HOPX: variants seen among roughly 807,000 people sequenced by gnomAD.
The protein encoded by HOPX is HOP homeobox.
Under a neutral mutation model 11.8 loss-of-function variants are expected in HOPX, and 5 were observed. That is an observed-to-expected ratio of 0.43 (90% CI 0.22 to 0.89). The LOEUF (loss-of-function observed/expected upper bound fraction) is 0.89. Among genes scored for constraint, HOPX ranks in the 40% least tolerant of loss-of-function variants. HOPX has a pLI of 0.28. For missense variants in HOPX, 119 were observed against 120.0 expected, an observed-to-expected ratio of 0.99 and a Z score of 0.04; for synonymous variants, 49 against 49.7, an observed-to-expected ratio of 0.99 and a Z score of 0.06.
chr4:56,680,257 C>T (rs1719258174), intron 1 of HOPX: 1 of 152,146 alleles, frequency 6.6e-6, no homozygotes, highest in Admixed American at 6.5e-5. Context: ...GAATGAATAC[C>T]TGAGAAAGGT....
At chr4:56,655,681 G>A (rs967465551) in intron 3 of HOPX, among the ~76,000 whole-genome samples, 176 bp downstream of exon 3, 5 of 152,200 alleles carry the variant, frequency 3.3e-5, no homozygotes, top group African/African-American at 4.8e-5. Context: ...GCGGGGAAGC[G>A]GGGAGGCGGC....
intron 1 of HOPX, among the ~76,000 whole-genome samples, chr4:56,673,269 AAAAG>A (rs1021284044): frequency 1.4e-4 from 21 of 152,186 alleles, no homozygotes; most frequent in African/African-American, 4.6e-4. Flanking sequence ...GTGTTCAGTG[AAAAG>A]AAAGAGAGAA....
chr4:56,648,620 CA>C lies in HOPX; in HGVS notation c.*99del, dbSNP rs1716867390. On this transcript the variant is annotated 3_prime_UTR_variant, in exon 4 of 4. Transcript: ENST00000420433. ...AACAGCAGGACAGCTAGCAATGGAA[CA>C]TACAACACTATGCTGAAAAACCACA... 1.3e-6 allele frequency: 1 copy of C among 746,728 alleles called. No individual in the cohort carries two copies. 46.3% of individuals were successfully genotyped at this position (746,728 alleles called of 1,614,324 possible).
chr4:56,678,263 C>A (rs1719124496), intron 1 of HOPX, among the ~76,000 whole-genome samples: 1 of 151,330 alleles, frequency 6.6e-6, no homozygotes, highest in Non-Finnish European at 1.5e-5. Flanking sequence ...ATGGGGCCAT[C>A]CCCATCCTCT....
chr4:56,681,369 C>T (rs1719316115), upstream of HOPX: 3 of 985,336 alleles, frequency 3.0e-6, no homozygotes, highest in Non-Finnish European at 3.6e-6. Flanking sequence ...CGTTTATTTA[C>T]GCCTATGAGC....
intron 3 of HOPX, chr4:56,650,446 A>G (rs1464430998): frequency 1.7e-5 from 8 of 472,388 alleles, no homozygotes; most frequent in South Asian, 2.7e-5. Context: ...CTGAAAGGGA[A>G]TTCAGTATAT....
At chr4:56,655,740 T>G in intron 3 of HOPX, 117 bp downstream of exon 3, 7 of 1,173,746 alleles carry the variant, frequency 6.0e-6, no homozygotes, top group Non-Finnish European at 8.4e-6. Flanking sequence ...GCAGAAGCGA[T>G]GGGAGATCAT....
At chr4:56,662,762 C>A (rs1007275494) in intron 1 of HOPX, 1 of 152,428 alleles carries the variant, frequency 6.6e-6, no homozygotes, top group Admixed American at 6.5e-5. Flanking sequence ...CAGGCATGAG[C>A]CACTGTGCCT....
chr4:56,651,664 A>G (rs2109456806), intron 3 of HOPX, among the ~76,000 whole-genome samples: 1 of 152,248 alleles, frequency 6.6e-6, no homozygotes, highest in East Asian at 1.9e-4. Flanking sequence ...TTTCTCTAGT[A>G]ACTAACATTT....
intron 1 of HOPX, among the ~76,000 whole-genome samples, chr4:56,677,890 G>T (rs1578366741): frequency 6.6e-6 from 1 of 151,612 alleles, no homozygotes; most frequent in African/African-American, 2.4e-5. Context: ...AGAACAACTT[G>T]GCTGTCCCCC....
At position 56,657,783 on chromosome 4, in the gene HOPX, GTCT is replaced by G. The variant is rs1422003807; in HGVS notation, c.31_33del (p.Arg11del). ...AGAACCTTGGAAATTACCTCTTCCA[GTCT>G]TCTTCTGTAACAGCCCAGGAAAATG... On this transcript the variant is annotated inframe_deletion, in exon 2 of 4. Coordinates refer to ENST00000420433, the MANE Select transcript of HOPX (RefSeq NM_032495.6). The G allele has an allele frequency of 6.3e-6, 8 of 1,267,402 alleles. No individual in the cohort carries two copies. Among genetic ancestry groups the G allele is most frequent in the Middle Eastern group, 1.8e-4 (1 of 5,492 alleles). 78.5% of individuals were successfully genotyped at this position (1,267,402 alleles called of 1,614,324 possible). A position where few individuals can be genotyped will look rare whatever the true frequency, so the allele number is the denominator to read the frequency against.
chr4:56,650,546 G>T, intron 3 of HOPX: 1 of 851,900 alleles, frequency 1.2e-6, no homozygotes, highest in Non-Finnish European at 1.8e-6. Flanking sequence ...TGGGGGTAAG[G>T]CTCTGCAGGA....
Position 56,648,416 on chromosome 4 carries a change from T to C in HOPX, c.*304A>G. 1 of 280,384 alleles carries C rather than the reference T, an allele frequency of 3.6e-6. No homozygotes were observed. Among genetic ancestry groups the C allele is most frequent in the Non-Finnish European group, 6.6e-6 (1 of 151,206 alleles). The allele number at this position is 280,384 out of a possible 1,614,324, so 17.4% of individuals were successfully genotyped here. A position where few individuals can be genotyped will look rare whatever the true frequency, so the allele number is the denominator to read the frequency against. On this transcript the variant is annotated 3_prime_UTR_variant, in exon 4 of 4. Transcript: ENST00000420433. Reference sequence around the variant, plus strand: ...AAAGCAAATTGCTACTGGGAGGTGATGGTCAAAAGCAAACTTAGATGGTTT... The same window carrying C: ...AAAGCAAATTGCTACTGGGAGGTGACGGTCAAAAGCAAACTTAGATGGTTT...
intron 3 of HOPX, among the ~76,000 whole-genome samples, chr4:56,654,907 A>G (rs1173608977): frequency 6.6e-6 from 1 of 152,192 alleles, no homozygotes; most frequent in Non-Finnish European, 1.5e-5. Context: ...GAGATGCTAG[A>G]TCAGTTCCAA....
intron 1 of HOPX, among the ~76,000 whole-genome samples, chr4:56,671,358 T>G (rs1394311694): frequency 6.6e-6 from 1 of 151,972 alleles, no homozygotes; most frequent in Non-Finnish European, 1.5e-5. Context: ...CTTCCTCAGG[T>G]TAGTTGTGTA....
chr4:56,677,818 G>T (rs1458011384), intron 1 of HOPX, among the ~76,000 whole-genome samples: 1 of 151,576 alleles, frequency 6.6e-6, no homozygotes, highest in African/African-American at 2.4e-5. Context: ...CTAATTAAAA[G>T]ACCCTGGACT....
intron 2 of HOPX, among the ~76,000 whole-genome samples, chr4:56,656,958 T>C (rs901537410): frequency 2.0e-5 from 3 of 152,118 alleles, no homozygotes; most frequent in Non-Finnish European, 2.9e-5. Context: ...CTTTTAAAAT[T>C]TCAGACTTCC....
chr4:56,664,974 G>A (rs1718352518), intron 1 of HOPX: 1 of 152,014 alleles, frequency 6.6e-6, no homozygotes, highest in Non-Finnish European at 1.5e-5. Context: ...TTTGTTTTTT[G>A]GAGACAGGGT....
At position 56,677,408 on chromosome 4, in the gene HOPX, A is replaced by G. The variant is rs112301272; in HGVS notation, c.-84+3847T>C. On this transcript the variant is annotated intron_variant, in intron 1 of 3. Transcript: ENST00000420433. The stretch of plus-strand genomic sequence containing the variant: ...TTGATTTGCCTGATTGCCCCACTTA[A>G]AAATTCAAATGGTAACTATATATAA... Among the ~76,000 whole-genome samples, 669 of 151,826 alleles carry G rather than the reference A, an allele frequency of 4.4e-3. 35 individuals carry two copies. Among genetic ancestry groups the G allele is most frequent in the African/African-American group, 0.016 (648 of 41,088 alleles).
Sources: allele counts gnomAD v4.1 joint callset (sites outside exome capture counted in the v4.1 genomes callset), GRCh38; gene constraint gnomAD v4.1.1; transcripts MANE v1.5; gene names NCBI Gene and HGNC (gene_info 2026-07-23, HGNC 2026-07-21).